Variants in EXOC6B observed in about 807,000 individuals in gnomAD.
EXOC6B encodes the protein exocyst complex component 6B, also known as SEC15 homolog B.
EXOC6B carries 54 observed loss-of-function variants against 113.5 expected under a neutral mutation model. The observed-to-expected ratio is 0.48, with a 90% CI of 0.38 to 0.60. The LOEUF is 0.60. Ranked by LOEUF, EXOC6B falls within the 20% of genes least tolerant of loss-of-function variation. The pLI, the probability that EXOC6B is intolerant of heterozygous loss-of-function variation, is 0.00. For synonymous variants in EXOC6B, 357 were observed against 339.0 expected (o/e 1.05, Z -0.58); for missense variants, 797 against 977.5 (o/e 0.82, Z 2.46).
intron 8 of EXOC6B, among the ~76,000 whole-genome samples, chr2:72,523,397 G>GA (rs909508217): frequency 5.9e-5 from 9 of 151,774 alleles, no homozygotes; most frequent in Non-Finnish European, 1.2e-4. Flanking sequence ...TTTTTGCAGG[G>GA]AAAAAAAATT....
intron 19 of EXOC6B, among the ~76,000 whole-genome samples, chr2:72,378,102 A>C (rs1252589368): frequency 6.6e-6 from 1 of 152,128 alleles, no homozygotes. Context: ...CAATGTTTCC[A>C]TGTATGTTTC....
rs11900893 is a variant in EXOC6B, at chr2:72,572,143, A to T, written c.846+3349T>A. Among the ~76,000 whole-genome samples, 796 of 151,916 alleles carry T rather than the reference A, an allele frequency of 5.2e-3. 11 individuals carry two copies. The highest frequency in any genetic ancestry group is 0.018 in the African/African-American group (727 of 41,416). On this transcript the variant is annotated intron_variant, in intron 7 of 21. Transcript: ENST00000272427. ...CCAGAAAAAAGTTTAAATCATATTTAAAAAAAACAATAGAAGACCCAAACA... is the reference window on the plus strand; with the variant it reads ...CCAGAAAAAAGTTTAAATCATATTTTAAAAAAACAATAGAAGACCCAAACA...
chr2:72,735,913 A>C (rs935920874), intron 2 of EXOC6B, among the ~76,000 whole-genome samples: 2 of 151,852 alleles, frequency 1.3e-5, no homozygotes, highest in Non-Finnish European at 2.9e-5. Context: ...GGCCAGGCGC[A>C]GTGGCTCACA....
intron 20 of EXOC6B, among the ~76,000 whole-genome samples, chr2:72,264,073 A>G (rs959175155): frequency 1.1e-3 from 165 of 152,294 alleles, no homozygotes; most frequent in Non-Finnish European, 1.9e-3. Flanking sequence ...TAAGTGTATA[A>G]AAAAGGATAA....
At chr2:72,584,847 C>T (rs1222904679) in intron 6 of EXOC6B, among the ~76,000 whole-genome samples, 1 of 152,118 alleles carries the variant, frequency 6.6e-6, no homozygotes, top group African/African-American at 2.4e-5. Context: ...GAAATCAATA[C>T]CAAGAAGATC....
intron 1 of EXOC6B, among the ~76,000 whole-genome samples, chr2:72,808,896 C>T (rs1685726710): frequency 6.6e-6 from 1 of 152,060 alleles, no homozygotes; most frequent in Non-Finnish European, 1.5e-5. Flanking sequence ...ATGGCAAAAC[C>T]CTGCCTCTAT....
chr2:72,584,000 G>A (rs965281620), intron 6 of EXOC6B, among the ~76,000 whole-genome samples: 3 of 152,190 alleles, frequency 2.0e-5, no homozygotes, highest in African/African-American at 7.2e-5. Flanking sequence ...GGGCTTGCAG[G>A]CATGAACCAT....
intron 1 of EXOC6B, among the ~76,000 whole-genome samples, chr2:72,743,510 T>C (rs1242460239): frequency 6.6e-6 from 1 of 152,100 alleles, no homozygotes; most frequent in Non-Finnish European, 1.5e-5. Flanking sequence ...GTTCTTATAC[T>C]AGTAATGCTC....
intron 20 of EXOC6B, among the ~76,000 whole-genome samples, chr2:72,318,596 T>C (rs1238186308): frequency 6.6e-6 from 1 of 152,142 alleles, no homozygotes; most frequent in African/African-American, 2.4e-5. Context: ...TTCACCATGT[T>C]GTCCAGGCAG....
chr2:72,401,598 T>C (rs1334794090), intron 18 of EXOC6B, among the ~76,000 whole-genome samples: 5 of 40,786 alleles, frequency 1.2e-4, no homozygotes, highest in South Asian at 5.1e-4. Flanking sequence ...TATATATATA[T>C]ATATGTGTAT....
At chr2:72,273,228 T>C (rs1254322258) in intron 20 of EXOC6B, among the ~76,000 whole-genome samples, 2 of 152,212 alleles carry the variant, frequency 1.3e-5, no homozygotes, top group Non-Finnish European at 2.9e-5. Context: ...AATACTTTAA[T>C]TTCTAAGCAT....
chr2:72,524,409 T>C (rs1701659589), intron 8 of EXOC6B, among the ~76,000 whole-genome samples: 1 of 152,148 alleles, frequency 6.6e-6, no homozygotes, highest in African/African-American at 2.4e-5. Context: ...TTCCCAGATG[T>C]AAAATCCAAT....
At chr2:72,575,179 C>G (rs1350163675) in intron 7 of EXOC6B, among the ~76,000 whole-genome samples, 3 of 152,054 alleles carry the variant, frequency 2.0e-5, no homozygotes, top group African/African-American at 7.2e-5. Flanking sequence ...TCACCTAGAC[C>G]TCCTGTCTCT....
At chr2:72,478,434 CACA>C (rs1698882245) in intron 17 of EXOC6B, among the ~76,000 whole-genome samples, 1 of 152,160 alleles carries the variant, frequency 6.6e-6, no homozygotes, top group African/African-American at 2.4e-5. Flanking sequence ...TAGGAAAATA[CACA>C]ACATGTAGCT....
chr2:72,405,388 G>A (rs1422317429), intron 18 of EXOC6B, among the ~76,000 whole-genome samples: 3 of 152,164 alleles, frequency 2.0e-5, no homozygotes, highest in Non-Finnish European at 4.4e-5. Context: ...GCAACTCCAA[G>A]ACACATAATT....
At chr2:72,570,995 G>A (rs1704480775) in intron 7 of EXOC6B, among the ~76,000 whole-genome samples, 1 of 152,064 alleles carries the variant, frequency 6.6e-6, no homozygotes, top group Admixed American at 6.6e-5. Flanking sequence ...CTCACAACAA[G>A]CCTATTCTCA....
At chr2:72,327,040 GTTGTCAGAACTGC>G (rs908274890) in intron 20 of EXOC6B, among the ~76,000 whole-genome samples, 2 of 151,992 alleles carry the variant, frequency 1.3e-5, no homozygotes, top group African/African-American at 4.8e-5. Context: ...TACCCAAAAG[GTTGTCAGAACTGC>G]TCCAAACTGA....
At chr2:72,457,790 T>C (rs1300945093) in intron 18 of EXOC6B, among the ~76,000 whole-genome samples, 1 of 152,148 alleles carries the variant, frequency 6.6e-6, no homozygotes, top group Non-Finnish European at 1.5e-5. Context: ...AATATTATTA[T>C]AATCATTTCT....
chr2:72,571,352 G>A (rs1704499140), intron 7 of EXOC6B, among the ~76,000 whole-genome samples: 1 of 151,938 alleles, frequency 6.6e-6, no homozygotes. Context: ...AGGAGTTTGA[G>A]ACCAGCCTGG....
Sources: gnomAD v4.1 joint callset for allele counts (sites outside exome capture counted in the v4.1 genomes callset) on GRCh38, gnomAD v4.1.1 for gene constraint, MANE v1.5 for transcripts, NCBI Gene and HGNC (gene_info 2026-07-23, HGNC 2026-07-21) for gene names.